Variants in SNTB1 observed in about 807,000 individuals in gnomAD.
SNTB1 encodes the protein syntrophin beta 1.
In SNTB1, 36 loss-of-function variants were observed where a neutral mutation model predicts 48.9. The ratio of observed to expected loss-of-function variants is 0.74; its 90% CI spans 0.56 to 0.97. The LOEUF (loss-of-function observed/expected upper bound fraction) is 0.97. Among genes scored for constraint, SNTB1 ranks in the 50% least tolerant of loss-of-function variants. The pLI, the probability that SNTB1 is intolerant of heterozygous loss-of-function variation, is 0.00. For missense variants in SNTB1, 786 were observed against 703.4 expected (o/e 1.12, Z -1.33); for synonymous variants, 299 against 294.6 (o/e 1.01, Z -0.15).
chr8:120,740,157 T>C (rs1819020532), intron 1 of SNTB1, among the ~76,000 whole-genome samples: 2 of 152,172 alleles, frequency 1.3e-5, no homozygotes, highest in African/African-American at 4.8e-5. Flanking sequence ...GCACCTCTTA[T>C]ATATTTGGCT....
At chr8:120,738,338 T>C (rs1450388996) in intron 1 of SNTB1, among the ~76,000 whole-genome samples, 1 of 152,180 alleles carries the variant, frequency 6.6e-6, no homozygotes, top group East Asian at 1.9e-4. Context: ...GTCATAATAA[T>C]GTAACCAATA....
At chr8:120,713,397 G>A (rs1444873441) in intron 1 of SNTB1, among the ~76,000 whole-genome samples, 1 of 152,100 alleles carries the variant, frequency 6.6e-6, no homozygotes, top group Non-Finnish European at 1.5e-5. Flanking sequence ...AGTAGCTGCT[G>A]ATCTGTTTTC....
chr8:120,691,880 G>C (rs912251210), intron 2 of SNTB1, among the ~76,000 whole-genome samples: 1 of 152,148 alleles, frequency 6.6e-6, no homozygotes, highest in African/African-American at 2.4e-5. Flanking sequence ...TGAAAACTTT[G>C]ACATCAGATC....
chr8:120,551,725 CAAAAAAAA>C (rs764008790), intron 4 of SNTB1, among the ~76,000 whole-genome samples: 19 of 42,828 alleles, frequency 4.4e-4, no homozygotes, highest in African/African-American at 1.3e-3. Flanking sequence ...GACTCCATCT[CAAAAAAAA>C]AAAAAAAAAA....
chr8:120,768,973 C>A (rs1253888473), intron 1 of SNTB1: 1 of 152,272 alleles, frequency 6.6e-6, no homozygotes, highest in Admixed American at 6.5e-5. Context: ...CTGATGCACA[C>A]TACCAGTGGG....
In SNTB1 at chr8:120,811,589, C is replaced by A; in HGVS notation, c.255G>T (p.Pro85=). 6.4e-7 allele frequency: 1 copy of A among 1,564,354 alleles called. No individual in the cohort carries two copies. Among genetic ancestry groups the A allele is most frequent in the Non-Finnish European group, 8.6e-7 (1 of 1,157,336 alleles). Residue 85 remains proline (P), a synonymous_variant, in exon 1 of 7, where the codon CCG becomes CCT. Transcript: ENST00000517992. Reference sequence around the variant, plus strand: ...CGGTGCGGACCCCGGCGGGCGAGTCCGGGGGCTGCGCGCCGCCCGCGCCCG... The same window carrying A: ...CGGTGCGGACCCCGGCGGGCGAGTCAGGGGGCTGCGCGCCGCCCGCGCCCG... ...GHPGAGGAQP[P]DSPAGVRTAF... is the part of the protein sequence containing the mutation.
At position 120,688,761 on chromosome 8, in the gene SNTB1, C is replaced by T. The variant is rs571046867; in HGVS notation, c.788+4931G>A. On this transcript the variant is annotated intron_variant, in intron 2 of 6. Coordinates refer to ENST00000517992, the MANE Select transcript of SNTB1 (RefSeq NM_021021.4). ...GAGGTAAAGAGGAGCTGGACAATTACGGACTATTTAAAGCCTAAAGGGGTT... is the reference window on the plus strand; with the variant it reads ...GAGGTAAAGAGGAGCTGGACAATTATGGACTATTTAAAGCCTAAAGGGGTT... Among the ~76,000 whole-genome samples, 15 of 152,258 alleles carry T rather than the reference C, an allele frequency of 9.9e-5. No individual in the cohort carries two copies. The South Asian group carries it at 1.9e-3, about 19-fold the overall frequency.
chr8:120,723,397 A>G (rs1818701987), intron 1 of SNTB1, among the ~76,000 whole-genome samples: 1 of 152,242 alleles, frequency 6.6e-6, no homozygotes, highest in Non-Finnish European at 1.5e-5. Flanking sequence ...GCTACAAACT[A>G]TACAAAAAGC....
intron 1 of SNTB1, among the ~76,000 whole-genome samples, chr8:120,788,422 C>T (rs1478396088): frequency 6.6e-6 from 1 of 151,934 alleles, no homozygotes; most frequent in Non-Finnish European, 1.5e-5. Context: ...CTAAATGGTC[C>T]AATTAAGATA....
chr8:120,582,230 G>T (rs1816060383), intron 3 of SNTB1, among the ~76,000 whole-genome samples: 1 of 152,084 alleles, frequency 6.6e-6, no homozygotes, highest in Non-Finnish European at 1.5e-5. Flanking sequence ...CAATAATGGA[G>T]ATCTATGGAA....
intron 1 of SNTB1, among the ~76,000 whole-genome samples, chr8:120,806,892 C>A (rs1292356991): frequency 6.6e-6 from 1 of 152,180 alleles, no homozygotes; most frequent in East Asian, 1.9e-4. Context: ...AAAATCACTG[C>A]CCCTCCCTTG....
intron 1 of SNTB1, among the ~76,000 whole-genome samples, chr8:120,750,144 G>A (rs1161490359): frequency 5.0e-5 from 5 of 100,280 alleles, no homozygotes; most frequent in South Asian, 7.2e-4. Context: ...CCTTCCCTAC[G>A]TCCCTCCTTC....
intron 2 of SNTB1, among the ~76,000 whole-genome samples, chr8:120,673,359 C>T (rs547552103): frequency 5.3e-5 from 8 of 150,366 alleles, no homozygotes; most frequent in African/African-American, 1.5e-4. Flanking sequence ...GGTGTGGTCT[C>T]GGCTCACTGC....
At chr8:120,805,779 T>C (rs1257363163) in intron 1 of SNTB1, among the ~76,000 whole-genome samples, 1 of 152,170 alleles carries the variant, frequency 6.6e-6, no homozygotes, top group Non-Finnish European at 1.5e-5. Flanking sequence ...ATTCCAACCT[T>C]TGGAGCTTCA....
intron 1 of SNTB1, among the ~76,000 whole-genome samples, chr8:120,800,692 T>A (rs1484751897): frequency 6.6e-6 from 1 of 151,974 alleles, no homozygotes; most frequent in African/African-American, 2.4e-5. Flanking sequence ...ATTTAATAAA[T>A]CTATTGTTGT....
intron 1 of SNTB1, among the ~76,000 whole-genome samples, chr8:120,741,835 A>G (rs1819045691): frequency 6.6e-6 from 1 of 152,238 alleles, no homozygotes; most frequent in Non-Finnish European, 1.5e-5. Flanking sequence ...AAGAAAAAGA[A>G]GGAGAAGAAG....
At chr8:120,805,040 A>G (rs1276544064) in intron 1 of SNTB1, among the ~76,000 whole-genome samples, 1 of 152,228 alleles carries the variant, frequency 6.6e-6, no homozygotes, top group Non-Finnish European at 1.5e-5. Context: ...AGTAGAGTAT[A>G]GTACATAAAA....
intron 1 of SNTB1, among the ~76,000 whole-genome samples, chr8:120,781,768 C>G (rs762701947): frequency 7.0e-4 from 106 of 152,136 alleles, no homozygotes; most frequent in Non-Finnish European, 1.3e-3. Flanking sequence ...ACAGCTCAAC[C>G]TCAGTGGACA....
At chr8:120,558,970 T>C (rs1815611084) in intron 4 of SNTB1, among the ~76,000 whole-genome samples, 1 of 152,178 alleles carries the variant, frequency 6.6e-6, no homozygotes, top group South Asian at 2.1e-4. Flanking sequence ...GTTAAATGAA[T>C]GACTAAATGA....
Sources: gnomAD v4.1 joint callset for allele counts (sites outside exome capture counted in the v4.1 genomes callset) on GRCh38, gnomAD v4.1.1 for gene constraint, MANE v1.5 for transcripts, NCBI Gene and HGNC (gene_info 2026-07-23, HGNC 2026-07-21) for gene names.